The following TTC3 variants were observed in gnomAD, a reference collection of about 807,000 sequenced individuals.
The protein encoded by TTC3 is E3 ubiquitin-protein ligase TTC3.
TTC3 carries 180 observed loss-of-function variants against 249.6 expected under a neutral mutation model. The observed-to-expected ratio is 0.72, with a 90% CI of 0.64 to 0.82. The LOEUF is 0.82. Among genes scored for constraint, TTC3 ranks in the 40% least tolerant of loss-of-function variants. The pLI, the probability that TTC3 is intolerant of heterozygous loss-of-function variation, is 0.00. For synonymous variants in TTC3, 717 were observed against 805.0 expected (o/e 0.89, Z 1.85); for missense variants, 2,061 against 2,398.4 (o/e 0.86, Z 2.94).
chr21:37,139,713 G>A (rs1294692631), intron 19 of TTC3, among the ~76,000 whole-genome samples: 1 of 151,758 alleles, frequency 6.6e-6, no homozygotes, highest in Non-Finnish European at 1.5e-5. Context: ...TTTTATTCCT[G>A]ACAGAATAAT....
intron 29 of TTC3, among the ~76,000 whole-genome samples, chr21:37,159,948 T>C (rs1019780666): frequency 3.3e-5 from 5 of 152,246 alleles, no homozygotes; most frequent in African/African-American, 1.2e-4. Context: ...ATCAGCAAAC[T>C]ATGAGGCTTA....
intron 15 of TTC3, among the ~76,000 whole-genome samples, chr21:37,127,800 A>G (rs981625066): frequency 6.6e-6 from 1 of 152,142 alleles, no homozygotes; most frequent in Non-Finnish European, 1.5e-5. Flanking sequence ...TTAGTTCCAT[A>G]GATACAGCTA....
rs1484622893 is a variant in TTC3, at chr21:37,148,570, C to T, written c.2041C>T (p.Gln681Ter). 1.9e-6 allele frequency: 3 copies of T among 1,596,186 alleles called. No homozygotes were observed. In the African/African-American group the frequency reaches 4.1e-5, roughly 22 times the overall value. ...GGGTTTTATACGCATCAGCTGTTGC[C>T]AGTACTGTAAAATAGAATTTCACAT... The change falls in exon 23 of 46, where the codon CAG becomes TAG. Residue 681 changes from glutamine to a stop codon, truncating the protein, a stop_gained. Coordinates refer to ENST00000355666, the Ensembl canonical transcript of TTC3. LOFTEE classifies it high-confidence loss of function.
intron 28 of TTC3, among the ~76,000 whole-genome samples, chr21:37,159,076 C>G (rs2080418045): frequency 6.6e-6 from 1 of 152,182 alleles, no homozygotes; most frequent in African/African-American, 2.4e-5. Context: ...TTCACATCAT[C>G]TGGGGTCTGG....
chr21:37,082,835 A>G, intron 1 of TTC3: 7 of 967,728 alleles, frequency 7.2e-6, no homozygotes, highest in Non-Finnish European at 8.6e-6. Flanking sequence ...TTTTAGTAGT[A>G]TATTTTTGTT....
At chr21:37,117,095 T>G (rs2076204634) in intron 11 of TTC3, among the ~76,000 whole-genome samples, 1 of 152,180 alleles carries the variant, frequency 6.6e-6, no homozygotes, top group Non-Finnish European at 1.5e-5. Flanking sequence ...AAAAATAGAA[T>G]ATAGCAAGGT....
At chr21:37,093,554 G>C (rs2073572620) in intron 7 of TTC3, among the ~76,000 whole-genome samples, 1 of 152,022 alleles carries the variant, frequency 6.6e-6, no homozygotes, top group Non-Finnish European at 1.5e-5. Flanking sequence ...ATATTAAATA[G>C]ATTGTAGAAA....
At chr21:37,100,456 C>T (rs577154856) in intron 10 of TTC3, among the ~76,000 whole-genome samples, 2 of 152,056 alleles carry the variant, frequency 1.3e-5, no homozygotes, top group South Asian at 2.1e-4. Flanking sequence ...GTTGCAGAAG[C>T]GTGAAGTGTG....
intron 15 of TTC3, 68 bp downstream of exon 15, chr21:37,126,211 A>T: frequency 1.4e-6 from 2 of 1,448,246 alleles, no homozygotes; most frequent in South Asian, 2.4e-5. Flanking sequence ...GATGCCCTAC[A>T]ATGTGCACAA....
chr21:37,119,283 A>C lies in TTC3; in HGVS notation c.901-2534A>C, dbSNP rs936086974. Among the ~76,000 whole-genome samples the C allele has an allele frequency of 2.6e-5, 4 of 152,060 alleles. No homozygotes were observed. In the East Asian group the frequency reaches 5.8e-4, roughly 22 times the overall value. On this transcript the variant is annotated intron_variant, in intron 11 of 45. Transcript: ENST00000355666. ...AATTTTTTCCCCACTACTGAAGCAAAACTTTTCTGAGTACTCTACTTGAAG... is the reference window on the plus strand; with the variant it reads ...AATTTTTTCCCCACTACTGAAGCAACACTTTTCTGAGTACTCTACTTGAAG...
chr21:37,164,412 C>G (rs1478820411), intron 32 of TTC3, among the ~76,000 whole-genome samples, 197 bp downstream of exon 32: 3 of 151,314 alleles, frequency 2.0e-5, no homozygotes, highest in Non-Finnish European at 4.4e-5. Context: ...AATCTCTGCT[C>G]ACTACAACCT....
intron 39 of TTC3, among the ~76,000 whole-genome samples, chr21:37,190,070 A>C (rs1174031415): frequency 6.7e-6 from 1 of 149,544 alleles, no homozygotes; most frequent in Non-Finnish European, 1.5e-5. Context: ...TCAAACCCTC[A>C]GCATTGAACC....
At chr21:37,177,517 A>T (rs1231950850) in intron 35 of TTC3, among the ~76,000 whole-genome samples, 1 of 152,160 alleles carries the variant, frequency 6.6e-6, no homozygotes, top group East Asian at 1.9e-4. Flanking sequence ...GCCTTCTGTG[A>T]TTGGTGCCTG....
intron 27 of TTC3, among the ~76,000 whole-genome samples, chr21:37,154,754 G>A (rs576270092): frequency 2.0e-5 from 3 of 152,174 alleles, no homozygotes; most frequent in East Asian, 3.9e-4. Context: ...GGAGTGCAGC[G>A]GCGCGATCTC....
chr21:37,195,713 T>C (rs755715003), exon 42 of TTC3: 6 of 1,613,566 alleles, frequency 3.7e-6, no homozygotes, highest in Non-Finnish European at 4.2e-6. Flanking sequence ...CAGGCGACGA[T>C]GGCCAAGGGC....
chr21:37,145,909 C>T (rs1403416865), intron 21 of TTC3, among the ~76,000 whole-genome samples: 3 of 152,182 alleles, frequency 2.0e-5, no homozygotes, highest in African/African-American at 7.2e-5. Context: ...TGACTCAAAA[C>T]ACCTCCCACT....
intron 17 of TTC3, 63 bp from the exon 18 acceptor site, chr21:37,135,317 T>C (rs2077830436): frequency 1.3e-6 from 2 of 1,524,832 alleles, no homozygotes; most frequent in Non-Finnish European, 1.8e-6. Flanking sequence ...GAACTTGGCA[T>C]CTTAGGTTTT....
At chr21:37,087,507 G>T in intron 2 of TTC3, 106 bp downstream of exon 2, 1 of 1,372,026 alleles carries the variant, frequency 7.3e-7, no homozygotes, top group Non-Finnish European at 1.0e-6. Flanking sequence ...GTTTTGACAG[G>T]GAGGTACACA....
chr21:37,086,006 G>T (rs971570155), intron 1 of TTC3: 2 of 152,216 alleles, frequency 1.3e-5, no homozygotes, highest in African/African-American at 4.8e-5. Context: ...AACGATAATT[G>T]TGCCTGCTAA....
Sources: gnomAD v4.1 joint callset for allele counts (sites outside exome capture counted in the v4.1 genomes callset) on GRCh38, gnomAD v4.1.1 for gene constraint, MANE v1.5 for transcripts, NCBI Gene and HGNC (gene_info 2026-07-23, HGNC 2026-07-21) for gene names.